Variants in GRM1 observed in about 807,000 individuals in gnomAD.
GRM1 encodes the protein glutamate metabotropic receptor 1, also known as metabotropic glutamate receptor 1.
In GRM1, 33 loss-of-function variants were observed where a neutral mutation model predicts 90.9. The observed-to-expected ratio is 0.36, with a 90% CI of 0.28 to 0.49. The LOEUF is 0.49. GRM1 is among the 20% of genes least tolerant of loss of function. The pLI is 0.99. For missense variants in GRM1, 1,190 were observed against 1,534.3 expected (o/e 0.78, Z 3.75); for synonymous variants, 700 against 613.2 (o/e 1.14, Z -2.09).
At chr6:146,340,020 A>G (rs1383973584) in intron 3 of GRM1, among the ~76,000 whole-genome samples, 1 of 152,210 alleles carries the variant, frequency 6.6e-6, no homozygotes, top group African/African-American at 2.4e-5. Context: ...TTACATTAGC[A>G]GTTGCAGACG....
At chr6:146,331,733 A>G (rs569046031) in intron 3 of GRM1, among the ~76,000 whole-genome samples, 2 of 152,280 alleles carry the variant, frequency 1.3e-5, no homozygotes, top group South Asian at 2.1e-4. Flanking sequence ...GAGACAGAGT[A>G]CAAACAGATG....
intron 2 of GRM1, among the ~76,000 whole-genome samples, chr6:146,297,649 AG>A (rs1041496314): frequency 6.6e-6 from 1 of 152,166 alleles, no homozygotes; most frequent in Non-Finnish European, 1.5e-5. Context: ...TGGGTCTGTT[AG>A]GGGGGATTTG....
chr6:146,043,436 G>A (rs1582917928), intron 1 of GRM1, among the ~76,000 whole-genome samples: 1 of 151,844 alleles, frequency 6.6e-6, no homozygotes, highest in African/African-American at 2.4e-5. Context: ...TTTAGACAAT[G>A]CTTATCATTT....
chr6:146,347,772 C>T (rs1018158521), intron 3 of GRM1, among the ~76,000 whole-genome samples: 2 of 152,130 alleles, frequency 1.3e-5, no homozygotes, highest in African/African-American at 4.8e-5. Flanking sequence ...GATTTCTGCA[C>T]TTTACTATAT....
chr6:146,221,398 A>G (rs1005824203), intron 2 of GRM1, among the ~76,000 whole-genome samples: 4 of 151,926 alleles, frequency 2.6e-5, no homozygotes, highest in Admixed American at 2.6e-4. Flanking sequence ...CCCTGTGTCC[A>G]TGTGTTCTCA....
chr6:146,264,342 C>T lies in GRM1; in HGVS notation c.951-40269C>T, dbSNP rs534237883. Among the ~76,000 whole-genome samples the T allele has an allele frequency of 2.0e-5, 3 of 152,020 alleles. No individual in the cohort carries two copies. The East Asian group carries it at 5.8e-4, about 29-fold the overall frequency. On this transcript the variant is annotated intron_variant, in intron 2 of 7. Transcript: ENST00000282753. ...TATTGCTCACATGATAGAACTTTAA[C>T]AATATTTCTATCATAAATTTAATAA...
intron 6 of GRM1, among the ~76,000 whole-genome samples, chr6:146,398,410 T>C (rs944619850): frequency 1.3e-5 from 2 of 152,220 alleles, no homozygotes; most frequent in Non-Finnish European, 2.9e-5. Flanking sequence ...ATTATCACCA[T>C]TTAACCCTCA....
chr6:146,146,719 C>T (rs1384336982), intron 1 of GRM1, among the ~76,000 whole-genome samples: 1 of 152,160 alleles, frequency 6.6e-6, no homozygotes, highest in South Asian at 2.1e-4. Context: ...ACACAAATTA[C>T]TCACCATGTG....
chr6:146,036,292 A>C (rs1790889070), intron 1 of GRM1, among the ~76,000 whole-genome samples: 1 of 151,992 alleles, frequency 6.6e-6, no homozygotes. Flanking sequence ...ACCACTAAAA[A>C]AACTCATGGC....
At chr6:146,185,138 C>T (rs538117548) in intron 2 of GRM1, among the ~76,000 whole-genome samples, 1 of 152,312 alleles carries the variant, frequency 6.6e-6, no homozygotes, top group African/African-American at 2.4e-5. Flanking sequence ...TAAATCATGA[C>T]ATCTGGATGA....
intron 1 of GRM1, among the ~76,000 whole-genome samples, chr6:146,076,957 C>T (rs1776207571): frequency 6.6e-6 from 1 of 152,072 alleles, no homozygotes; most frequent in Admixed American, 6.6e-5. Context: ...GAAGCCAGGT[C>T]CTGGCTTTTT....
intron 6 of GRM1, among the ~76,000 whole-genome samples, chr6:146,388,246 G>T (rs1035897592): frequency 6.6e-6 from 1 of 152,036 alleles, no homozygotes; most frequent in Non-Finnish European, 1.5e-5. Flanking sequence ...CTGAGGCCTA[G>T]AGACGTGAAG....
chr6:146,045,638 C>A (rs149762296), intron 1 of GRM1, among the ~76,000 whole-genome samples: 6 of 149,038 alleles, frequency 4.0e-5, no homozygotes, highest in African/African-American at 1.2e-4. Context: ...ACAAGATGAT[C>A]GATTATTTAT....
At chr6:146,299,039 T>G (rs1783282190) in intron 2 of GRM1, among the ~76,000 whole-genome samples, 1 of 152,202 alleles carries the variant, frequency 6.6e-6, no homozygotes, top group Admixed American at 6.5e-5. Context: ...TCTTAGGATT[T>G]TTGCACAAGC....
At chr6:146,344,113 C>A (rs544319581) in intron 3 of GRM1, among the ~76,000 whole-genome samples, 8 of 152,200 alleles carry the variant, frequency 5.3e-5, no homozygotes, top group African/African-American at 1.2e-4. Flanking sequence ...TTCCCTGTAC[C>A]ACATGGTTTA....
intron 1 of GRM1, among the ~76,000 whole-genome samples, chr6:146,096,870 G>T (rs547867805): frequency 6.6e-6 from 1 of 152,132 alleles, no homozygotes; most frequent in African/African-American, 2.4e-5. Context: ...AAATACATTT[G>T]GGTTTAGTAC....
At chr6:146,188,897 A>G (rs930444694) in intron 2 of GRM1, among the ~76,000 whole-genome samples, 1 of 152,122 alleles carries the variant, frequency 6.6e-6, no homozygotes, top group Admixed American at 6.5e-5. Flanking sequence ...TTCTGCCCTC[A>G]CGTTTTTTAT....
intron 2 of GRM1, among the ~76,000 whole-genome samples, chr6:146,294,818 G>A (rs1783120058): frequency 6.6e-6 from 1 of 152,076 alleles, no homozygotes; most frequent in East Asian, 1.9e-4. Context: ...CTGAAAATAA[G>A]TTGTATCTTA....
intron 2 of GRM1, among the ~76,000 whole-genome samples, chr6:146,274,857 A>C (rs1278190578): frequency 6.6e-6 from 1 of 152,080 alleles, no homozygotes; most frequent in Non-Finnish European, 1.5e-5. Context: ...ATGTCCAGAC[A>C]GAAGACACTT....
Sources: gnomAD v4.1 joint callset for allele counts (sites outside exome capture counted in the v4.1 genomes callset) on GRCh38, gnomAD v4.1.1 for gene constraint, MANE v1.5 for transcripts, NCBI Gene and HGNC (gene_info 2026-07-23, HGNC 2026-07-21) for gene names.